Variants in INSR observed in about 807,000 individuals in gnomAD.
The protein encoded by INSR is IR.
INSR carries 67 observed loss-of-function variants against 142.6 expected under a neutral mutation model. The observed-to-expected ratio is 0.47, with a 90% CI of 0.39 to 0.58. INSR has a LOEUF of 0.58. Ranked by LOEUF, INSR falls within the 20% of genes least tolerant of loss-of-function variation. The probability of loss-of-function intolerance (pLI) is 0.00; values close to 1 mark genes in which losing one functional copy is unlikely to be tolerated. For synonymous variants in INSR, 756 were observed against 743.1 expected (o/e 1.02, Z -0.28); for missense variants, 1,248 against 1,833.2 (o/e 0.68, Z 5.83).
At chr19:7,151,400 G>A (rs181139334) in intron 10 of INSR, among the ~76,000 whole-genome samples, 19 of 150,538 alleles carry the variant, frequency 1.3e-4, no homozygotes, top group African/African-American at 4.4e-4. Context: ...CTCAGCCTCC[G>A]GAGTAGCTGG....
intron 2 of INSR, among the ~76,000 whole-genome samples, chr19:7,244,931 C>CTTT (rs370936908): frequency 3.0e-4 from 26 of 88,048 alleles, no homozygotes; most frequent in South Asian, 7.9e-4. Flanking sequence ...TTTGTTTTTG[C>CTTT]TTTTTTTTTT....
intron 1 of INSR, among the ~76,000 whole-genome samples, chr19:7,275,219 C>T (rs1467587936): frequency 1.3e-5 from 2 of 151,928 alleles, no homozygotes; most frequent in Non-Finnish European, 2.9e-5. Context: ...AGGTGATCCA[C>T]CTGCCTTGGC....
chr19:7,229,703 C>T (rs908466233), intron 2 of INSR, among the ~76,000 whole-genome samples: 1 of 150,618 alleles, frequency 6.6e-6, no homozygotes, highest in Non-Finnish European at 1.5e-5. Flanking sequence ...ATAAACAAAG[C>T]AAGGATGCTT....
rs66500056 is a variant in INSR, at chr19:7,119,854, GCA to G, written c.3660-273_3660-272del. On this transcript the variant is annotated intron_variant, in intron 20 of 21. Coordinates refer to ENST00000302850, the MANE Select transcript of INSR (RefSeq NM_000208.4). The surrounding 1 kb of genome is among the most constrained non-coding windows in gnomAD (Gnocchi z 5.2). ...AACACACACACCCAAACACACACAC[GCA>G]CACACATGCAAACACACACAAACAC... Among the ~76,000 whole-genome samples, 69,754 of 148,076 alleles carry G rather than the reference GCA, an allele frequency of 0.47. 16,441 individuals carry two copies. Among genetic ancestry groups the G allele is most frequent in the Admixed American group, 0.56 (8,470 of 15,002 alleles).
At chr19:7,199,838 G>T (rs750750580) in intron 2 of INSR, among the ~76,000 whole-genome samples, 3 of 77,582 alleles carry the variant, frequency 3.9e-5, no homozygotes, top group Non-Finnish European at 7.8e-5. Context: ...AGACACATAC[G>T]CCCCGTGAAG....
chr19:7,123,180 T>C, intron 17 of INSR, 191 bp from the exon 18 acceptor site: 2 of 581,140 alleles, frequency 3.4e-6, no homozygotes, highest in Non-Finnish European at 6.2e-6. Context: ...TTTTTTTTTT[T>C]TAATTTTCGA....
At position 7,274,126 on chromosome 19, in the gene INSR, G is replaced by A. The variant is rs78661221; in HGVS notation, c.101-6230C>T. Among the ~76,000 whole-genome samples, 2,383 of 151,948 alleles carry A rather than the reference G, an allele frequency of 0.016. 99 individuals are homozygous for A. In the East Asian group the frequency reaches 0.17, roughly 11 times the overall value. ...CAATGGTAGAAGACAATTTTTCCAC[G>A]AACACGGGATGGGTGGTGATGGTTT... is the stretch of plus-strand genomic sequence containing the variant. On this transcript the variant is annotated intron_variant, in intron 1 of 21. Transcript: ENST00000302850.
At chr19:7,272,275 C>A (rs1967945720) in intron 1 of INSR, among the ~76,000 whole-genome samples, 2 of 152,038 alleles carry the variant, frequency 1.3e-5, no homozygotes, top group African/African-American at 4.8e-5. Context: ...CACTGCACTC[C>A]AGCCTGATGA....
Position 7,120,768 on chromosome 19 carries a change from C to T in INSR, c.3530-19G>A, listed in dbSNP as rs1972472229. The T allele has an allele frequency of 1.2e-6, 2 of 1,612,884 alleles. No individual in the cohort carries two copies. The highest frequency in any genetic ancestry group is 1.7e-5 in the Admixed American group (1 of 59,972). On this transcript the variant is annotated intron_variant, in intron 19 of 21. Coordinates refer to ENST00000302850, the MANE Select transcript of INSR (RefSeq NM_000208.4). ...CCAAAGTCTGACAACACAAAAGGTT[C>T]ACACGCTCTTAACCTTCAGCCTTGG...
At chr19:7,156,166 G>T (rs1973587800) in intron 9 of INSR, among the ~76,000 whole-genome samples, 1 of 143,980 alleles carries the variant, frequency 6.9e-6, no homozygotes, top group South Asian at 2.3e-4. Flanking sequence ...ATTCAAGTGA[G>T]TCTCCTGCCT....
rs555358419 is a variant in INSR at position 7,117,039 on chromosome 19, C to G, written c.*17G>C. Reference sequence around the variant, plus strand: ...GAAAATGGGAACCCCTGCCCGCCCCCGCCACGGTAGGCACTGTTAGGAAGG... The same window carrying G: ...GAAAATGGGAACCCCTGCCCGCCCCGGCCACGGTAGGCACTGTTAGGAAGG... On this transcript the variant is annotated 3_prime_UTR_variant, in exon 22 of 22. Transcript: ENST00000302850. 3 of 1,606,250 alleles carry G rather than the reference C, an allele frequency of 1.9e-6. No homozygotes were observed. In the African/African-American group the frequency reaches 4.0e-5, roughly 21 times the overall value.
rs1193315376 is a variant in INSR, at chr19:7,125,422, C to G, written c.3119G>C (p.Gly1040Ala). 1 of 1,614,114 alleles carries G rather than the reference C, an allele frequency of 6.2e-7. No homozygotes were observed. The highest frequency in any genetic ancestry group is 8.5e-7 in the Non-Finnish European group (1 of 1,180,022). Reference protein sequence around the residue: ...GQGSFGMVYEGNARDIIKGEA... With the variant: ...GQGSFGMVYEANARDIIKGEA... ...ACCCTTGATGATGTCCCTGGCATTG[C>G]CCTCATACACCATGCCGAAGGAGCC... The change falls in exon 17 of 22, where the codon GGC (glycine) becomes GCC (alanine). Residue 1040 changes from glycine to alanine, a missense_variant. Coordinates refer to ENST00000302850, the MANE Select transcript of INSR (RefSeq NM_000208.4). This position sits in a 1 kb window ranked among gnomAD's most constrained non-coding sequence, Gnocchi z 4.9.
rs139765599 is a variant in INSR, at chr19:7,286,417, G to A, written c.100+7375C>T. 1.3e-4 allele frequency among the ~76,000 whole-genome samples: 19 copies of A among 151,504 alleles called. No homozygotes were observed. The East Asian group carries it at 3.3e-3, about 26-fold the overall frequency. ...TTTCTTTTCTTTTTGAGACAGGGTC[G>A]GGCTCTATCACCCAGGTTGGAGTGC... On this transcript the variant is annotated intron_variant, in intron 1 of 21. Transcript: ENST00000302850.
rs938205820 is a variant in INSR, at chr19:7,116,770, G to C, written c.*286C>G. ...CTTTCCATCTGCTGGGGGCGGGTGG[G>C]GGGAACGAAAAAACACAAAATCCTG... On this transcript the variant is annotated 3_prime_UTR_variant, in exon 22 of 22. Coordinates refer to ENST00000302850, the MANE Select transcript of INSR (RefSeq NM_000208.4). 2.9e-5 allele frequency: 10 copies of C among 344,738 alleles called. No individual in the cohort carries two copies. The highest frequency in any genetic ancestry group is 5.2e-5 in the Non-Finnish European group (10 of 191,144). 21.4% of individuals were successfully genotyped at this position (344,738 alleles called of 1,614,324 possible).
chr19:7,129,617 G>C (rs1218111755), intron 14 of INSR, among the ~76,000 whole-genome samples: 1 of 152,160 alleles, frequency 6.6e-6, no homozygotes, highest in Non-Finnish European at 1.5e-5. Flanking sequence ...GAGCCAACGT[G>C]CCCGGCCAAA....
chr19:7,214,890 C>T (rs1975386277), intron 2 of INSR, among the ~76,000 whole-genome samples: 1 of 138,910 alleles, frequency 7.2e-6, no homozygotes, highest in South Asian at 2.5e-4. Context: ...CTTCCTTGTT[C>T]CCTCCCTTTT....
chr19:7,262,728 A>G (rs1479845264), intron 2 of INSR, among the ~76,000 whole-genome samples: 1 of 152,220 alleles, frequency 6.6e-6, no homozygotes, highest in Non-Finnish European at 1.5e-5. Flanking sequence ...CAACATGCTC[A>G]GTGAAATAAG....
At chr19:7,219,486 A>AGGG (rs58353733) in intron 2 of INSR, among the ~76,000 whole-genome samples, 42,630 of 109,538 alleles carry the variant, frequency 0.39, 11,112 homozygotes, top group Non-Finnish European at 0.43. Context: ...GGAGGGAGGG[A>AGGG]AGGAAGGAAG....
intron 4 of INSR, among the ~76,000 whole-genome samples, chr19:7,173,923 T>C (rs1031884396): frequency 1.3e-5 from 2 of 151,738 alleles, no homozygotes; most frequent in Non-Finnish European, 2.9e-5. Flanking sequence ...CACCCGGCCC[T>C]GAGATTTATT....
Sources: gnomAD v4.1 joint callset for allele counts (sites outside exome capture counted in the v4.1 genomes callset) on GRCh38, gnomAD v4.1.1 for gene constraint, Gnocchi (gnomAD v3.1) non-coding constraint, MANE v1.5 for transcripts, NCBI Gene and HGNC (gene_info 2026-07-23, HGNC 2026-07-21) for gene names.